FYN: variants seen among roughly 807,000 people sequenced by gnomAD.
FYN encodes FYN proto-oncogene, Src family tyrosine kinase, also known as tyrosine-protein kinase Fyn.
A neutral mutation model predicts 70.2 loss-of-function variants in FYN; 10 were observed. The observed-to-expected ratio is 0.14, with a 90% confidence interval of 0.09 to 0.24. The LOEUF (loss-of-function observed/expected upper bound fraction) is 0.24, where lower values mean the gene tolerates loss of function less well. Among genes scored for constraint, FYN ranks in the 10% least tolerant of loss-of-function variants. FYN has a pLI of 1.00. For synonymous variants in FYN, 236 were observed against 248.6 expected, an observed-to-expected ratio of 0.95 and a Z score of 0.48; for missense variants, 319 against 673.1, an observed-to-expected ratio of 0.47 and a Z score of 5.82.
At chr6:111,773,284 T>TGGGAGAGAAAGAGAGGGA (rs1803521279) in intron 3 of FYN, among the ~76,000 whole-genome samples, 3 of 98,692 alleles carry the variant, frequency 3.0e-5, no homozygotes, top group Non-Finnish European at 5.9e-5. Context: ...GGAAAGAAAC[T>TGGGAGAGAAAGAGAGGGA]GGGAGAGAAA....
At chr6:111,799,484 A>G (rs1358483139) in intron 2 of FYN, among the ~76,000 whole-genome samples, 3 of 152,204 alleles carry the variant, frequency 2.0e-5, no homozygotes, top group Non-Finnish European at 4.4e-5. Context: ...CAATACACTG[A>G]CAGAGAAAGT....
intron 2 of FYN, among the ~76,000 whole-genome samples, chr6:111,823,716 A>G (rs548380014): frequency 5.1e-4 from 78 of 152,296 alleles, no homozygotes; most frequent in Non-Finnish European, 8.8e-4. Flanking sequence ...ATGCTAACAT[A>G]ACAGATCTCA....
chr6:111,729,909 TATA>T (rs984079670), intron 3 of FYN, among the ~76,000 whole-genome samples: 1 of 152,238 alleles, frequency 6.6e-6, no homozygotes, highest in African/African-American at 2.4e-5. Flanking sequence ...GTACTTTTTT[TATA>T]ATGAGAATAA....
At chr6:111,708,073 T>G (rs897137665) in intron 5 of FYN, 53 bp from the exon 6 acceptor site, 21 of 1,348,604 alleles carry the variant, frequency 1.6e-5, no homozygotes, top group Non-Finnish European at 2.2e-5. Flanking sequence ...AGCTTGCAGT[T>G]AGAGACTCAC....
chr6:111,835,714 T>C (rs1773163564), intron 2 of FYN, among the ~76,000 whole-genome samples: 1 of 152,174 alleles, frequency 6.6e-6, no homozygotes, highest in Non-Finnish European at 1.5e-5. Flanking sequence ...AAGTTAGTCC[T>C]CTTTCCAAAT....
chr6:111,775,126 T>G (rs1803655784), intron 3 of FYN, among the ~76,000 whole-genome samples: 1 of 152,170 alleles, frequency 6.6e-6, no homozygotes, highest in African/African-American at 2.4e-5. Context: ...ACCACCTGGA[T>G]CCCAGGTGGG....
chr6:111,793,988 G>C (rs1583450815), intron 2 of FYN: 2 of 152,044 alleles, frequency 1.3e-5, no homozygotes, highest in Non-Finnish European at 2.9e-5. Context: ...CACACACCTC[G>C]GCTTGCATTC....
At chr6:111,764,998 G>A (rs1264875137) in intron 3 of FYN, among the ~76,000 whole-genome samples, 1 of 125,570 alleles carries the variant, frequency 8.0e-6, no homozygotes, top group Non-Finnish European at 1.8e-5. Flanking sequence ...CCGAAGCAGC[G>A]TCTTTGTGGG....
intron 2 of FYN, among the ~76,000 whole-genome samples, chr6:111,837,256 C>G (rs9487734): frequency 0.035 from 5,262 of 152,230 alleles, 104 homozygotes; most frequent in Non-Finnish European, 0.047. Context: ...ACATCAAACT[C>G]TCTTGTAAAA....
chr6:111,742,762 A>G (rs1231048127), intron 3 of FYN, among the ~76,000 whole-genome samples: 1 of 152,198 alleles, frequency 6.6e-6, no homozygotes, highest in African/African-American at 2.4e-5. Flanking sequence ...TGTCAAAAGT[A>G]AACTAGAAAC....
chr6:111,746,282 T>C (rs779652252), intron 3 of FYN, among the ~76,000 whole-genome samples: 2 of 152,218 alleles, frequency 1.3e-5, no homozygotes, highest in Non-Finnish European at 2.9e-5. Flanking sequence ...CCCATCAAGA[T>C]CTAGAACATT....
chr6:111,781,999 AC>A (rs954868929), intron 2 of FYN, among the ~76,000 whole-genome samples: 2 of 152,196 alleles, frequency 1.3e-5, no homozygotes, highest in African/African-American at 2.4e-5. Flanking sequence ...TAGGAAATGT[AC>A]GATTTCAGAT....
intron 1 of FYN, among the ~76,000 whole-genome samples, chr6:111,858,785 A>C (rs1773887155): frequency 6.6e-6 from 1 of 151,824 alleles, no homozygotes; most frequent in Non-Finnish European, 1.5e-5. Flanking sequence ...TATTCCCACT[A>C]AACTAGCTGC....
intron 1 of FYN, among the ~76,000 whole-genome samples, chr6:111,866,820 C>T (rs1177507880): frequency 3.3e-5 from 5 of 152,196 alleles, no homozygotes; most frequent in African/African-American, 1.2e-4. Flanking sequence ...CATGAAAAAC[C>T]GCAAGAGTCC....
At chr6:111,754,625 C>T (rs1802634316) in intron 3 of FYN, 1 of 152,156 alleles carries the variant, frequency 6.6e-6, no homozygotes, top group African/African-American at 2.4e-5. Flanking sequence ...TCCTGGTGTA[C>T]ATGCTTATGA....
rs139391009 is a variant in FYN at position 111,776,562 on chromosome 6, A to C, written c.-12+4004T>G. Among the ~76,000 whole-genome samples, 684 of 152,334 alleles carry C rather than the reference A, an allele frequency of 4.5e-3. 3 individuals are homozygous for C. The highest frequency in any genetic ancestry group is 6.6e-3 in the Non-Finnish European group (446 of 68,030). On this transcript the variant is annotated intron_variant, in intron 3 of 13. Coordinates refer to ENST00000354650, the MANE Select transcript of FYN (RefSeq NM_002037.5). ...TTCTTGCAAAAGAAAAGACTATCAG[A>C]AAAAGAAAAATGAAGGGTAGTAAAG...
At chr6:111,732,444 T>C (rs540590933) in intron 3 of FYN, among the ~76,000 whole-genome samples, 1 of 152,320 alleles carries the variant, frequency 6.6e-6, no homozygotes, top group East Asian at 1.9e-4. Flanking sequence ...CTTGGCAATC[T>C]TGCAGCCCAA....
chr6:111,803,237 C>T (rs9487723), intron 2 of FYN, among the ~76,000 whole-genome samples: 47,154 of 151,914 alleles, frequency 0.31, 11,933 homozygotes, highest in African/African-American at 0.71. Flanking sequence ...CCAAATCACT[C>T]TGCCCTTCAG....
chr6:111,693,356 T>A (rs1209012887), intron 12 of FYN, among the ~76,000 whole-genome samples: 1 of 152,136 alleles, frequency 6.6e-6, no homozygotes, highest in Non-Finnish European at 1.5e-5. Context: ...GACTAGGCTT[T>A]GGTTAGAAAC....
Sources: allele counts gnomAD v4.1 joint callset (sites outside exome capture counted in the v4.1 genomes callset), GRCh38; gene constraint gnomAD v4.1.1; transcripts MANE v1.5; gene names NCBI Gene and HGNC (gene_info 2026-07-23, HGNC 2026-07-21).